The following CACNA2D3 variants were observed in gnomAD, a reference collection of about 807,000 sequenced individuals.
The protein encoded by CACNA2D3 is voltage-dependent calcium channel subunit alpha-2/delta-3.
In CACNA2D3, 60 loss-of-function variants were observed where a neutral mutation model predicts 160.6. That is an observed-to-expected ratio of 0.37 (90% CI 0.30 to 0.46). CACNA2D3 has a LOEUF of 0.46. CACNA2D3 is among the 20% of genes least tolerant of loss of function. CACNA2D3 has a pLI of 1.00. For missense variants in CACNA2D3, 1,205 were observed against 1,365.0 expected, an observed-to-expected ratio of 0.88 and a Z score of 1.85; for synonymous variants, 558 against 492.9, an observed-to-expected ratio of 1.13 and a Z score of -1.75.
intron 14 of CACNA2D3, among the ~76,000 whole-genome samples, chr3:54,830,154 A>T (rs1210667551): frequency 6.6e-6 from 1 of 152,088 alleles, no homozygotes; most frequent in African/African-American, 2.4e-5. Context: ...CATCTTGGCC[A>T]GGCTGATCTT....
Position 54,717,432 on chromosome 3 carries a change from G to A in CACNA2D3, c.1168-35167G>A, listed in dbSNP as rs541468523. Among the ~76,000 whole-genome samples, 10 of 152,314 alleles carry A rather than the reference G, an allele frequency of 6.6e-5. No individual in the cohort carries two copies. In the East Asian group the frequency reaches 1.5e-3, roughly 24 times the overall value. The stretch of plus-strand genomic sequence containing the variant: ...CTTTCCAAAGTAGTGGTAACAAAGA[G>A]CATTTTAGTTTATCTTTGCCAACGT... On this transcript the variant is annotated intron_variant, in intron 11 of 37. Transcript: ENST00000474759.
At chr3:54,203,986 G>A (rs542307492) in intron 2 of CACNA2D3, among the ~76,000 whole-genome samples, 2 of 151,900 alleles carry the variant, frequency 1.3e-5, no homozygotes, top group Non-Finnish European at 2.9e-5. Flanking sequence ...CCAGGGACCC[G>A]CCCTTCTCTA....
intron 13 of CACNA2D3, among the ~76,000 whole-genome samples, chr3:54,796,705 C>T (rs534955385): frequency 1.4e-4 from 22 of 152,330 alleles, no homozygotes; most frequent in African/African-American, 4.8e-4. Flanking sequence ...TCTCCCACAG[C>T]TCACACCTCT....
At chr3:54,918,197 C>T (rs938089049) in intron 27 of CACNA2D3, 2 of 393,770 alleles carry the variant, frequency 5.1e-6, no homozygotes, top group African/African-American at 4.1e-5. Flanking sequence ...TGTGTCTTAC[C>T]CCCACATAGA....
At chr3:54,853,921 C>T (rs1205058164) in intron 17 of CACNA2D3, among the ~76,000 whole-genome samples, 1 of 152,078 alleles carries the variant, frequency 6.6e-6, no homozygotes, top group Non-Finnish European at 1.5e-5. Context: ...TTTCGGTGGT[C>T]CCCAAATGCA....
chr3:55,054,818 C>G (rs1321851399), intron 35 of CACNA2D3, among the ~76,000 whole-genome samples: 1 of 151,872 alleles, frequency 6.6e-6, no homozygotes, highest in Non-Finnish European at 1.5e-5. Context: ...TTATATTCTT[C>G]TAGAGAATGT....
rs757838355 is a variant in CACNA2D3 at position 54,687,121 on chromosome 3, C to CTTTTTTTTTTTTTTTTTTTTTTTTTTTTT, written c.1167+44893_1167+44894insTTTTTTTTTTTTTTTTTTTTTTTTTTTTT. On this transcript the variant is annotated intron_variant, in intron 11 of 37. Transcript: ENST00000474759. Reference sequence around the variant, plus strand: ...AAATCGGATTTTTCTTTTTCTTTTTCTTTTTTTTTTTTTGTTTTTTTTTTT... The same window carrying CTTTTTTTTTTTTTTTTTTTTTTTTTTTTT: ...AAATCGGATTTTTCTTTTTCTTTTTCTTTTTTTTTTTTTTTTTTTTTTTTTTTTTTTTTTTTTTTTTTGTTTTTTTTTTT... 6.3e-5 allele frequency among the ~76,000 whole-genome samples: 6 copies of CTTTTTTTTTTTTTTTTTTTTTTTTTTTTT among 94,972 alleles called. 1 individual carries two copies. Among genetic ancestry groups the CTTTTTTTTTTTTTTTTTTTTTTTTTTTTT allele is most frequent in the East Asian group, 3.5e-4 (1 of 2,866 alleles). 62.3% of individuals were successfully genotyped at this position (94,972 alleles called of 152,430 possible).
intron 17 of CACNA2D3, among the ~76,000 whole-genome samples, chr3:54,861,161 G>A (rs944191852): frequency 6.6e-6 from 1 of 152,080 alleles, no homozygotes; most frequent in Non-Finnish European, 1.5e-5. Context: ...ACAATGTGAT[G>A]GCTGGGGAGA....
intron 10 of CACNA2D3, among the ~76,000 whole-genome samples, chr3:54,640,497 C>G (rs1192625227): frequency 1.3e-5 from 2 of 152,196 alleles, no homozygotes; most frequent in Non-Finnish European, 2.9e-5. Flanking sequence ...ACATTCTGCT[C>G]TGGCAACCAT....
chr3:54,610,928 C>T (rs1423565492), intron 9 of CACNA2D3, among the ~76,000 whole-genome samples: 1 of 152,224 alleles, frequency 6.6e-6, no homozygotes, highest in Non-Finnish European at 1.5e-5. Context: ...CACACCCTGC[C>T]TGGACATTTT....
chr3:54,249,782 T>C (rs1012579230), intron 2 of CACNA2D3, among the ~76,000 whole-genome samples: 3 of 150,924 alleles, frequency 2.0e-5, no homozygotes, highest in Non-Finnish European at 4.4e-5. Context: ...TTTTTTTATG[T>C]GAGTGGGACT....
At chr3:54,909,153 G>C (rs948994617) in intron 27 of CACNA2D3, among the ~76,000 whole-genome samples, 1 of 152,158 alleles carries the variant, frequency 6.6e-6, no homozygotes, top group African/African-American at 2.4e-5. Flanking sequence ...TCCAATCAAA[G>C]ATCCTAAGCT....
intron 5 of CACNA2D3, among the ~76,000 whole-genome samples, chr3:54,529,580 A>G (rs1701775876): frequency 6.6e-6 from 1 of 152,148 alleles, no homozygotes; most frequent in South Asian, 2.1e-4. Flanking sequence ...TGTTCCTCCC[A>G]GTTGCTGTGA....
intron 11 of CACNA2D3, among the ~76,000 whole-genome samples, chr3:54,726,337 C>G (rs1257099001): frequency 2.6e-5 from 4 of 152,256 alleles, no homozygotes; most frequent in East Asian, 3.9e-4. Context: ...CCATGCTGCC[C>G]AAAGTAATTT....
At chr3:55,071,065 A>G (rs944581883) in intron 35 of CACNA2D3, among the ~76,000 whole-genome samples, 1 of 152,174 alleles carries the variant, frequency 6.6e-6, no homozygotes, top group Non-Finnish European at 1.5e-5. Flanking sequence ...ATCATATTTT[A>G]TCTTGTTAGT....
intron 14 of CACNA2D3, among the ~76,000 whole-genome samples, chr3:54,835,767 A>G (rs1054003027): frequency 6.6e-6 from 1 of 152,208 alleles, no homozygotes; most frequent in Admixed American, 6.5e-5. Context: ...TTGCCTGGTC[A>G]ATTTTGGTGC....
intron 4 of CACNA2D3, among the ~76,000 whole-genome samples, chr3:54,387,411 G>T (rs1699206370): frequency 6.6e-6 from 1 of 152,156 alleles, no homozygotes; most frequent in Non-Finnish European, 1.5e-5. Context: ...TAGCACTTTG[G>T]GAGACTGAGG....
chr3:54,415,869 C>T (rs540623443), intron 4 of CACNA2D3, among the ~76,000 whole-genome samples: 22 of 152,234 alleles, frequency 1.4e-4, no homozygotes, highest in African/African-American at 5.1e-4. Flanking sequence ...TAGGTTGTAA[C>T]ATTGACCTCA....
intron 5 of CACNA2D3, among the ~76,000 whole-genome samples, chr3:54,520,920 CA>C (rs1407476026): frequency 2.6e-5 from 4 of 152,082 alleles, no homozygotes; most frequent in African/African-American, 7.2e-5. Context: ...AAGATTTTTC[CA>C]TTTGTACCAT....
Sources: allele counts gnomAD v4.1 joint callset (sites outside exome capture counted in the v4.1 genomes callset), GRCh38; gene constraint gnomAD v4.1.1; transcripts MANE v1.5; gene names NCBI Gene and HGNC (gene_info 2026-07-23, HGNC 2026-07-21).